The following CDH20 variants were observed in gnomAD, a reference collection of about 807,000 sequenced individuals.
CDH20 encodes cadherin 20, also known as cadherin-20.
Under a neutral mutation model 74.2 loss-of-function variants are expected in CDH20, and 29 were observed. The ratio of observed to expected loss-of-function variants is 0.39; its 90% CI spans 0.29 to 0.53. CDH20 has a LOEUF of 0.53. CDH20 is among the 20% of genes least tolerant of loss of function. The probability of loss-of-function intolerance (pLI) is 0.69; values close to 1 mark genes in which losing one functional copy is unlikely to be tolerated. For synonymous variants in CDH20, 469 were observed against 405.4 expected (o/e 1.16, Z -1.88); for missense variants, 988 against 1,048.3 (o/e 0.94, Z 0.79).
chr18:61,521,630 T>C (rs1912210647), intron 6 of CDH20, among the ~76,000 whole-genome samples: 1 of 151,188 alleles, frequency 6.6e-6, no homozygotes, highest in Non-Finnish European at 1.5e-5. Context: ...AAAAAGAAAA[T>C]TTCAGGCCAA....
rs924475653 is a variant in CDH20, at chr18:61,554,059, T to C, written c.1901-131T>C. 1.5e-5 allele frequency: 16 copies of C among 1,087,798 alleles called. No individual in the cohort carries two copies. In the South Asian group the frequency reaches 2.3e-4, roughly 16 times the overall value. The allele number at this position is 1,087,798 out of a possible 1,614,324, so 67.4% of individuals were successfully genotyped here. ...TTAGAACTCCCCGAGGTTTCAGATA[T>C]CCAAAAGCTATCTCTGAGCCCTCCA... On this transcript the variant is annotated intron_variant, in intron 11 of 11. Coordinates refer to ENST00000262717, the MANE Select transcript of CDH20 (RefSeq NM_031891.4).
intron 6 of CDH20, among the ~76,000 whole-genome samples, chr18:61,508,375 G>A (rs1911654637): frequency 1.3e-5 from 2 of 152,142 alleles, no homozygotes; most frequent in African/African-American, 4.8e-5. Flanking sequence ...AAAACATCAA[G>A]TCACTAAAGT....
chr18:61,483,202 C>T (rs1910647826), intron 1 of CDH20, among the ~76,000 whole-genome samples: 1 of 152,180 alleles, frequency 6.6e-6, no homozygotes, highest in Admixed American at 6.5e-5. Context: ...GCCAGTCAGT[C>T]ACGTGCTAAG....
intron 1 of CDH20, among the ~76,000 whole-genome samples, chr18:61,383,079 G>T (rs1446780841): frequency 6.6e-6 from 1 of 152,118 alleles, no homozygotes; most frequent in African/African-American, 2.4e-5. Flanking sequence ...AGTAAACATA[G>T]AAGTAAATAA....
intron 1 of CDH20, among the ~76,000 whole-genome samples, chr18:61,384,704 A>G (rs148433386): frequency 1.7e-4 from 26 of 152,280 alleles, no homozygotes; most frequent in Non-Finnish European, 3.1e-4. Flanking sequence ...TTTTTCATGG[A>G]TAACATCCAG....
chr18:61,540,742 C>G (rs543022344), intron 9 of CDH20, among the ~76,000 whole-genome samples: 2 of 152,280 alleles, frequency 1.3e-5, no homozygotes, highest in African/African-American at 2.4e-5. Flanking sequence ...AGTAGTACCT[C>G]CAGCATCTTG....
chr18:61,370,727 T>A (rs959576358), intron 1 of CDH20, among the ~76,000 whole-genome samples: 2 of 152,082 alleles, frequency 1.3e-5, no homozygotes, highest in Admixed American at 1.3e-4. Context: ...GTAAACTGGA[T>A]CTCCAGAATT....
intron 6 of CDH20, among the ~76,000 whole-genome samples, chr18:61,517,566 G>A (rs1162791831): frequency 3.9e-5 from 6 of 152,246 alleles, no homozygotes; most frequent in South Asian, 4.1e-4. Context: ...CAGATATTAC[G>A]CTTTTCCCAT....
intron 1 of CDH20, among the ~76,000 whole-genome samples, chr18:61,476,434 AG>A (rs769844062): frequency 3.3e-5 from 5 of 152,194 alleles, no homozygotes; most frequent in Non-Finnish European, 7.4e-5. Flanking sequence ...CACGTAGCCA[AG>A]ATATATCCAA....
chr18:61,527,396 TA>T (rs1487962565), intron 6 of CDH20, among the ~76,000 whole-genome samples: 1 of 147,380 alleles, frequency 6.8e-6, no homozygotes, highest in African/African-American at 2.6e-5. Context: ...GATAGATAGA[TA>T]GATAGATAGA....
chr18:61,420,567 C>G (rs1331270101), intron 1 of CDH20, among the ~76,000 whole-genome samples: 2 of 152,060 alleles, frequency 1.3e-5, no homozygotes, highest in African/African-American at 4.8e-5. Context: ...TTTTCATTTC[C>G]TGATTTGTTT....
chr18:61,454,003 T>C (rs894473009), intron 1 of CDH20, among the ~76,000 whole-genome samples: 5 of 152,148 alleles, frequency 3.3e-5, no homozygotes, highest in East Asian at 1.9e-4. Context: ...GCCATTCTGA[T>C]TGGTGTATGG....
chr18:61,532,570 A>C (rs1912683967), intron 7 of CDH20, among the ~76,000 whole-genome samples: 1 of 151,628 alleles, frequency 6.6e-6, no homozygotes, highest in African/African-American at 2.4e-5. Context: ...ACACACACAC[A>C]TATATATAAA....
intron 1 of CDH20, among the ~76,000 whole-genome samples, chr18:61,396,086 C>T (rs77751097): frequency 1.6e-5 from 2 of 128,612 alleles, no homozygotes; most frequent in East Asian, 4.4e-4. Context: ...TGCACGCACA[C>T]CATGTGGAGA....
intron 1 of CDH20, among the ~76,000 whole-genome samples, chr18:61,472,424 T>C (rs1910215278): frequency 6.6e-6 from 1 of 151,972 alleles, no homozygotes; most frequent in African/African-American, 2.4e-5. Context: ...TAAAGACTAA[T>C]CTGGAACTGG....
At chr18:61,382,082 G>T (rs568090973) in intron 1 of CDH20, among the ~76,000 whole-genome samples, 1 of 152,192 alleles carries the variant, frequency 6.6e-6, no homozygotes, top group Non-Finnish European at 1.5e-5. Flanking sequence ...ATGCTCTACT[G>T]AAACGATGCC....
At chr18:61,497,750 A>C (rs921569313) in intron 2 of CDH20, among the ~76,000 whole-genome samples, 1 of 152,010 alleles carries the variant, frequency 6.6e-6, no homozygotes, top group Non-Finnish European at 1.5e-5. Context: ...ACATAAAATA[A>C]CTCATCAAGG....
intron 1 of CDH20, among the ~76,000 whole-genome samples, chr18:61,486,059 C>A (rs1274717486): frequency 7.0e-6 from 1 of 143,478 alleles, no homozygotes; most frequent in Non-Finnish European, 1.5e-5. Flanking sequence ...GGCGACAGAG[C>A]GAGACTCCAT....
At chr18:61,540,022 T>C (rs1912969055) in intron 9 of CDH20, among the ~76,000 whole-genome samples, 2 of 152,222 alleles carry the variant, frequency 1.3e-5, no homozygotes, top group South Asian at 4.1e-4. Context: ...TTAAGAAACA[T>C]CTGGAACTCC....
Sources: gnomAD v4.1 joint callset for allele counts (sites outside exome capture counted in the v4.1 genomes callset) on GRCh38, gnomAD v4.1.1 for gene constraint, MANE v1.5 for transcripts, NCBI Gene and HGNC (gene_info 2026-07-23, HGNC 2026-07-21) for gene names.